CHD8: variants seen among roughly 807,000 people sequenced by gnomAD.
CHD8 encodes chromodomain helicase DNA binding protein 8, also known as ATP-dependent chromatin remodeler CHD8.
Under a neutral mutation model 279.2 loss-of-function variants are expected in CHD8, and 31 were observed. That is an observed-to-expected ratio of 0.11 (90% CI 0.08 to 0.15). CHD8 has a LOEUF of 0.15. Ranked by LOEUF, CHD8 falls within the 10% of genes least tolerant of loss-of-function variation. The pLI is 1.00. For synonymous variants in CHD8, 1,081 were observed against 1,139.6 expected (o/e 0.95, Z 1.04); for missense variants, 2,146 against 3,230.5 (o/e 0.66, Z 8.14).
chr14:21,455,912 G>C (rs902911363), intron 1 of CHD8, 120 bp downstream of exon 1: 8 of 153,870 alleles, frequency 5.2e-5, no homozygotes, highest in African/African-American at 1.9e-4. Context: ...TCACAACTGG[G>C]GGGCGAGCAG....
At position 21,429,495 on chromosome 14, in the gene CHD8, T is replaced by A. The variant is rs757082935; in HGVS notation, c.844-160A>T. On this transcript the variant is annotated intron_variant, in intron 2 of 37. Coordinates refer to ENST00000646647, the MANE Select transcript of CHD8 (RefSeq NM_001170629.2). Reference sequence around the variant, plus strand: ...TCATCCTATCTGTCTTGATGCAATCTTTTTTGTTATTTTTAGACAGGGTCT... The same window carrying A: ...TCATCCTATCTGTCTTGATGCAATCATTTTTGTTATTTTTAGACAGGGTCT... 5.6e-5 allele frequency: 46 copies of A among 828,006 alleles called. No homozygotes were observed. The Admixed American group carries it at 7.8e-4, about 14-fold the overall frequency. 51.3% of individuals were successfully genotyped at this position (828,006 alleles called of 1,614,324 possible). A position where few individuals can be genotyped will look rare whatever the true frequency, so the allele number is the denominator to read the frequency against.
chr14:21,444,704 T>TA (rs896165443), intron 1 of CHD8, among the ~76,000 whole-genome samples: 122 of 150,342 alleles, frequency 8.1e-4, no homozygotes, highest in South Asian at 2.1e-4. Flanking sequence ...ACCACTTTTT[T>TA]AAAAAAAAAA....
intron 2 of CHD8, 159 bp from the exon 3 acceptor site, chr14:21,429,494 C>CT: frequency 1.2e-6 from 1 of 844,784 alleles, no homozygotes; most frequent in South Asian, 1.3e-5. Flanking sequence ...TTGATGCAAT[C>CT]TTTTTTGTTA....
chr14:21,443,814 C>T (rs556977539), intron 1 of CHD8, among the ~76,000 whole-genome samples: 130 of 148,018 alleles, frequency 8.8e-4, no homozygotes, highest in African/African-American at 3.3e-3. Flanking sequence ...TGAGATCGCG[C>T]CACTGCACTC....
At chr14:21,437,416 G>A (rs919674496) in intron 1 of CHD8, 8 of 275,368 alleles carry the variant, frequency 2.9e-5, no homozygotes, top group South Asian at 6.7e-5. Flanking sequence ...GAGAGCGCAC[G>A]GAGAGGCCTA....
At chr14:21,436,010 G>C (rs1271449631) in intron 1 of CHD8, among the ~76,000 whole-genome samples, 1 of 152,178 alleles carries the variant, frequency 6.6e-6, no homozygotes, top group Non-Finnish European at 1.5e-5. Context: ...TATGTAAAAT[G>C]AGCTACAGAT....
At chr14:21,407,480 A>G (rs987054456) in intron 13 of CHD8, among the ~76,000 whole-genome samples, 1 of 152,248 alleles carries the variant, frequency 6.6e-6, no homozygotes, top group Non-Finnish European at 1.5e-5. Context: ...GCTGCAAAAT[A>G]TGATGAAAAG....
At chr14:21,446,066 C>T (rs911689319) in intron 1 of CHD8, among the ~76,000 whole-genome samples, 14 of 152,030 alleles carry the variant, frequency 9.2e-5, no homozygotes, top group African/African-American at 3.4e-4. Context: ...GTGGCAGGCA[C>T]CTGTAATCCC....
rs1202942392 is a variant in CHD8, at chr14:21,386,263, G to C, written c.7183-87C>G. 2.3e-6 allele frequency: 3 copies of C among 1,279,496 alleles called. No individual in the cohort carries two copies. The East Asian group carries it at 7.6e-5, about 32-fold the overall frequency. The allele number at this position is 1,279,496 out of a possible 1,614,324, so 79.3% of individuals were successfully genotyped here. On this transcript the variant is annotated intron_variant, in intron 37 of 37. Transcript: ENST00000646647. ...AGCCAACAGAGTCCTAGCTTACAAT[G>C]CTTTTTTACTGAATGTACCTTAGAA...
chr14:21,445,080 C>T (rs561257414), intron 1 of CHD8, among the ~76,000 whole-genome samples: 2 of 152,316 alleles, frequency 1.3e-5, no homozygotes, highest in African/African-American at 4.8e-5. Context: ...ACCTTACTAC[C>T]CGTACCCAGT....
At chr14:21,391,433 T>C in intron 36 of CHD8, 30 bp downstream of exon 36, 5 of 1,604,118 alleles carry the variant, frequency 3.1e-6, no homozygotes, top group Non-Finnish European at 4.3e-6. Context: ...GGAATGACTT[T>C]AAATCTTGCT....
At chr14:21,441,143 C>G (rs1156768624) in intron 1 of CHD8, among the ~76,000 whole-genome samples, 1 of 152,044 alleles carries the variant, frequency 6.6e-6, no homozygotes, top group Non-Finnish European at 1.5e-5. Context: ...ATGCAAAGAC[C>G]CAGGACCAAC....
chr14:21,427,970 C>T lies in CHD8; in HGVS notation c.1500G>A (p.Lys500=), dbSNP rs1889399761. Residue 500 remains lysine (K), a synonymous_variant, in exon 4 of 38, where the codon AAG becomes AAA. Transcript: ENST00000646647. The part of the protein sequence containing the change: ...PSVRPEEEGE[K]KRRKKSAGER... ...CCCCAGCACTCTTCTTCCTGCGTTT[C>T]TTCTCGCCTTCCTCCTCTGGCCGAA... The T allele has an allele frequency of 6.2e-7, 1 of 1,613,978 alleles. No homozygotes were observed. Among genetic ancestry groups the T allele is most frequent in the South Asian group, 1.1e-5 (1 of 91,094 alleles).
At chr14:21,392,961 G>C (rs1887615151) in intron 33 of CHD8, 145 bp downstream of exon 33, 1 of 1,172,498 alleles carries the variant, frequency 8.5e-7, no homozygotes, top group African/African-American at 1.9e-5. Flanking sequence ...TAAGTCAACT[G>C]GGAAGTTTCC....
At chr14:21,442,708 G>A (rs1890009041) in intron 1 of CHD8, among the ~76,000 whole-genome samples, 1 of 102,060 alleles carries the variant, frequency 9.8e-6, no homozygotes, top group South Asian at 4.3e-4. Flanking sequence ...GGAGAGGAGA[G>A]GAGAGGAGAA....
intron 1 of CHD8, among the ~76,000 whole-genome samples, chr14:21,453,076 AGGTG>A (rs1053379188): frequency 6.6e-6 from 1 of 151,824 alleles, no homozygotes; most frequent in Admixed American, 6.6e-5. Flanking sequence ...CGGGAGGCCA[AGGTG>A]GGTGGATCAC....
intron 1 of CHD8, among the ~76,000 whole-genome samples, chr14:21,454,404 A>T (rs1890335970): frequency 6.6e-6 from 1 of 152,046 alleles, no homozygotes; most frequent in Non-Finnish European, 1.5e-5. Context: ...TGCAATCTCC[A>T]CCTCCAGGGT....
chr14:21,393,373 A>G (rs1224505385), intron 32 of CHD8, 103 bp downstream of exon 32: 30 of 1,512,230 alleles, frequency 2.0e-5, no homozygotes, highest in Non-Finnish European at 2.6e-5. Context: ...ACATTTTATC[A>G]AATCAAAATC....
intron 36 of CHD8, 101 bp from the exon 37 acceptor site, chr14:21,391,164 A>C (rs1887520871): frequency 1.1e-5 from 9 of 830,224 alleles, no homozygotes; most frequent in Non-Finnish European, 5.8e-6. Context: ...CACTTATTAC[A>C]TAGATAAAGG....
Sources: allele counts gnomAD v4.1 joint callset (sites outside exome capture counted in the v4.1 genomes callset), GRCh38; gene constraint gnomAD v4.1.1; transcripts MANE v1.5; gene names NCBI Gene and HGNC (gene_info 2026-07-23, HGNC 2026-07-21).